RHOU: variants seen among roughly 807,000 people sequenced by gnomAD.
RHOU encodes the protein ras homolog family member U, also known as rho-related GTP-binding protein RhoU.
A neutral mutation model predicts 12.6 loss-of-function variants in RHOU; 8 were observed. That is an observed-to-expected ratio of 0.64 (90% CI 0.37 to 1.15). The LOEUF is 1.15. RHOU is among the 50% of genes most tolerant of loss of function. The pLI is 0.01. For missense variants in RHOU, 258 were observed against 347.0 expected (o/e 0.74, Z 2.04); for synonymous variants, 161 against 147.4 (o/e 1.09, Z -0.67).
chr1:228,739,654 G>A (rs556545461), intron 2 of RHOU, among the ~76,000 whole-genome samples: 94 of 152,356 alleles, frequency 6.2e-4, no homozygotes, highest in Non-Finnish European at 1.3e-3. Flanking sequence ...TGGAAGTCAG[G>A]AAAATACAGG....
rs1419695295 is a variant in RHOU, at chr1:228,735,907, C to T, written c.165C>T (p.Val55=). Residue 55 remains valine, a synonymous_variant, in exon 1 of 3, where the codon GTC becomes GTT. Transcript: ENST00000366691. This position sits in a 1 kb window ranked among gnomAD's most constrained non-coding sequence, Gnocchi z 8.1. ...GGCGCGGCGTCAAGTGCGTGCTGGT[C>T]GGCGACGGCGCGGTGGGCAAGACGA... ...AEGRGVKCVL[V]GDGAVGKTSL... The T allele has an allele frequency of 1.3e-6, 2 of 1,560,430 alleles. No homozygotes were observed. The highest frequency in any genetic ancestry group is 8.6e-7 in the Non-Finnish European group (1 of 1,159,156).
At chr1:228,689,217 G>A in the RHOU span, among the ~76,000 whole-genome samples, 1 of 152,076 alleles carries the variant, frequency 6.6e-6, no homozygotes, top group Non-Finnish European at 1.5e-5. Flanking sequence ...CCCTGAGTTT[G>A]TCAGACCCAA....
chr1:228,727,272 A>T, the RHOU span, among the ~76,000 whole-genome samples: 1 of 152,158 alleles, frequency 6.6e-6, no homozygotes, highest in Non-Finnish European at 1.5e-5. Flanking sequence ...TAGAGAAAAC[A>T]GTCCTCTTGA....
the RHOU span, among the ~76,000 whole-genome samples, chr1:228,660,795 T>G: frequency 1.3e-5 from 2 of 151,702 alleles, no homozygotes; most frequent in Non-Finnish European, 2.9e-5. Flanking sequence ...TAGCCAGGTG[T>G]GGTGGTGCAT....
At chr1:228,664,507 G>A in the RHOU span, among the ~76,000 whole-genome samples, 1 of 152,202 alleles carries the variant, frequency 6.6e-6, no homozygotes, top group East Asian at 1.9e-4. Flanking sequence ...GCTAGGTGGG[G>A]TGGGACTTTG....
At chr1:228,721,691 G>A in the RHOU span, among the ~76,000 whole-genome samples, 2 of 152,168 alleles carry the variant, frequency 1.3e-5, no homozygotes, top group South Asian at 2.1e-4. Context: ...ACGGAGTTTC[G>A]CTCTGGTTGC....
chr1:228,725,855 A>G, the RHOU span, among the ~76,000 whole-genome samples: 1 of 152,190 alleles, frequency 6.6e-6, no homozygotes, highest in African/African-American at 2.4e-5. Context: ...ATAAATCTTC[A>G]CAGAATTACT....
the RHOU span, among the ~76,000 whole-genome samples, chr1:228,694,958 A>G: frequency 1.3e-5 from 2 of 152,144 alleles, no homozygotes; most frequent in Admixed American, 1.3e-4. Context: ...ATAAATGATA[A>G]TGAATAGGTT....
chr1:228,688,472 C>T, the RHOU span, among the ~76,000 whole-genome samples: 2 of 152,152 alleles, frequency 1.3e-5, no homozygotes, highest in African/African-American at 4.8e-5. Context: ...GCAAATCTCC[C>T]ATTTTGACCT....
the RHOU span, among the ~76,000 whole-genome samples, chr1:228,690,167 T>TTTTG: frequency 6.6e-6 from 1 of 151,838 alleles, no homozygotes; most frequent in African/African-American, 2.4e-5. Flanking sequence ...AAAAGATTTG[T>TTTTG]TTTGTTTGTT....
chr1:228,720,939 C>A, the RHOU span, among the ~76,000 whole-genome samples: 1 of 152,232 alleles, frequency 6.6e-6, no homozygotes, highest in East Asian at 1.9e-4. Flanking sequence ...ATCTCCACAG[C>A]CTTCCCAGGT....
chr1:228,647,142 G>T, the RHOU span, among the ~76,000 whole-genome samples: 1 of 152,120 alleles, frequency 6.6e-6, no homozygotes, highest in South Asian at 2.1e-4. Context: ...GGAGGGGTTT[G>T]AGCTGTGCCT....
the RHOU span, among the ~76,000 whole-genome samples, chr1:228,678,541 G>A: frequency 2.0e-5 from 3 of 152,120 alleles, no homozygotes; most frequent in Non-Finnish European, 4.4e-5. Context: ...GAAGTAAAGC[G>A]GCCTTAAGAA....
At chr1:228,719,607 G>A in the RHOU span, among the ~76,000 whole-genome samples, 3 of 152,126 alleles carry the variant, frequency 2.0e-5, no homozygotes, top group East Asian at 5.8e-4. Context: ...GTGCACACTT[G>A]TAATCCCAGC....
chr1:228,650,830 A>G, the RHOU span: 2 of 421,662 alleles, frequency 4.7e-6, no homozygotes, highest in Non-Finnish European at 9.4e-6. Flanking sequence ...TCATCAAGCT[A>G]TACATCACAG....
chr1:228,706,068 T>G, the RHOU span, among the ~76,000 whole-genome samples: 4 of 152,036 alleles, frequency 2.6e-5, no homozygotes, highest in African/African-American at 9.7e-5. Context: ...AAAAGAAATT[T>G]TTTGCTCAAA....
At chr1:228,687,431 T>G in the RHOU span, 8 of 1,386,776 alleles carry the variant, frequency 5.8e-6, 1 homozygote, top group Admixed American at 1.3e-4. Context: ...TGAAGAACTT[T>G]GCCAAATACT....
chr1:228,701,281 TA>T, the RHOU span, among the ~76,000 whole-genome samples: 2 of 152,188 alleles, frequency 1.3e-5, no homozygotes, highest in Non-Finnish European at 2.9e-5. Flanking sequence ...CAGGTCACTG[TA>T]AAATAATAGC....
chr1:228,692,582 T>G, the RHOU span, among the ~76,000 whole-genome samples: 1 of 152,110 alleles, frequency 6.6e-6, no homozygotes, highest in Non-Finnish European at 1.5e-5. Context: ...GTTTTTCTTT[T>G]CTGGCGATTC....
Sources: gnomAD v4.1 joint callset for allele counts (sites outside exome capture counted in the v4.1 genomes callset) on GRCh38, gnomAD v4.1.1 for gene constraint, Gnocchi (gnomAD v3.1) non-coding constraint, MANE v1.5 for transcripts, NCBI Gene and HGNC (gene_info 2026-07-23, HGNC 2026-07-21) for gene names.